Variants in CEMIP observed in about 807,000 individuals in gnomAD.
CEMIP encodes the protein cell migration inducing hyaluronidase 1, also known as cell migration-inducing and hyaluronan-binding protein.
CEMIP carries 105 observed loss-of-function variants against 156.9 expected under a neutral mutation model. The ratio of observed to expected loss-of-function variants is 0.67; its 90% CI spans 0.57 to 0.79. The LOEUF is 0.79. Ranked by LOEUF, CEMIP falls within the 30% of genes least tolerant of loss-of-function variation. The pLI is 0.00. For missense variants in CEMIP, 1,457 were observed against 1,769.4 expected, an observed-to-expected ratio of 0.82 and a Z score of 3.17; for synonymous variants, 676 against 668.4, an observed-to-expected ratio of 1.01 and a Z score of -0.17.
chr15:80,915,929 A>G (rs527602774), intron 14 of CEMIP, among the ~76,000 whole-genome samples: 2 of 152,356 alleles, frequency 1.3e-5, no homozygotes, highest in African/African-American at 4.8e-5. Flanking sequence ...TTAAAAAGTA[A>G]TGGCAGAAGA....
rs74483597 is a variant in CEMIP, at chr15:80,829,687, A to G, written c.-175-43851A>G. 7.5e-3 allele frequency among the ~76,000 whole-genome samples: 1,147 copies of G among 152,336 alleles called. 17 individuals carry two copies. The highest frequency in any genetic ancestry group is 0.026 in the African/African-American group (1,067 of 41,570). ...ACTGGGATGTTATGAGGAGTTTCTT[A>G]GAACAGAGATTTGCTGCACAGGCTC... On this transcript the variant is annotated intron_variant, in intron 1 of 29. Transcript: ENST00000394685.
intron 1 of CEMIP, among the ~76,000 whole-genome samples, chr15:80,851,124 TAGCCCTCATGGG>T (rs1243199223): frequency 2.0e-5 from 3 of 151,398 alleles, no homozygotes; most frequent in African/African-American, 7.3e-5. Flanking sequence ...AGGGTGGTGC[TAGCCCTCATGGG>T]AGTCCCTGGA....
chr15:80,843,361 G>A lies in CEMIP; in HGVS notation c.-175-30177G>A, dbSNP rs548353355. ...GAAGACCTACTATGAAGCTGGCACCGTTTAGATGCTTTGAATATATCAGTC... is the reference window on the plus strand; with the variant it reads ...GAAGACCTACTATGAAGCTGGCACCATTTAGATGCTTTGAATATATCAGTC... On this transcript the variant is annotated intron_variant, in intron 1 of 29. Coordinates refer to ENST00000394685, the MANE Select transcript of CEMIP (RefSeq NM_001293298.2). 3.3e-4 allele frequency among the ~76,000 whole-genome samples: 51 copies of A among 152,316 alleles called. No homozygotes were observed. The South Asian group carries it at 7.9e-3, about 24-fold the overall frequency.
intron 1 of CEMIP, among the ~76,000 whole-genome samples, chr15:80,862,866 A>G (rs1898021777): frequency 6.6e-6 from 1 of 152,204 alleles, no homozygotes. Flanking sequence ...GTCCTATGGG[A>G]ATAAGTGAAT....
chr15:80,905,437 A>G (rs1371295758), intron 12 of CEMIP, among the ~76,000 whole-genome samples: 6 of 150,780 alleles, frequency 4.0e-5, no homozygotes, highest in African/African-American at 1.5e-4. Context: ...ATTTGCGGCT[A>G]TAAATCAAAG....
chr15:80,795,385 GGA>G (rs1896195516), intron 1 of CEMIP, among the ~76,000 whole-genome samples: 2 of 152,052 alleles, frequency 1.3e-5, no homozygotes, highest in Non-Finnish European at 2.9e-5. Context: ...ATGGTGGGTT[GGA>G]GTGGAGGCAG....
intron 1 of CEMIP, among the ~76,000 whole-genome samples, chr15:80,855,171 G>C (rs1220312791): frequency 1.1e-4 from 16 of 152,182 alleles, no homozygotes; most frequent in Non-Finnish European, 2.9e-5. Context: ...CTTTGAGACA[G>C]AGTGAGACAC....
intron 1 of CEMIP, among the ~76,000 whole-genome samples, chr15:80,797,216 A>C (rs1315575161): frequency 1.3e-5 from 2 of 152,236 alleles, no homozygotes; most frequent in Non-Finnish European, 2.9e-5. Context: ...GTGATTGCAG[A>C]TCATTATAGA....
chr15:80,850,465 GATAGGGTTTC>G (rs1897688458), intron 1 of CEMIP, among the ~76,000 whole-genome samples: 2 of 152,102 alleles, frequency 1.3e-5, no homozygotes, highest in African/African-American at 4.8e-5. Flanking sequence ...TTTTAGTAGC[GATAGGGTTTC>G]ACCATGTTGG....
At chr15:80,826,281 T>A (rs1460652654) in intron 1 of CEMIP, among the ~76,000 whole-genome samples, 1 of 152,244 alleles carries the variant, frequency 6.6e-6, no homozygotes, top group Non-Finnish European at 1.5e-5. Context: ...CTGTTTGGGT[T>A]TATTCTGCAT....
chr15:80,825,075 G>A (rs894473800), intron 1 of CEMIP, among the ~76,000 whole-genome samples: 4 of 152,178 alleles, frequency 2.6e-5, no homozygotes, highest in African/African-American at 9.7e-5. Context: ...AAAGAGGGAG[G>A]AAGGAGGTGT....
chr15:80,806,017 A>T, intron 1 of CEMIP, among the ~76,000 whole-genome samples: 1 of 152,234 alleles, frequency 6.6e-6, no homozygotes, highest in East Asian at 1.9e-4. Flanking sequence ...ATTGCTGGTT[A>T]ATGGAATATT....
chr15:80,848,549 C>A (rs1897620134), intron 1 of CEMIP, among the ~76,000 whole-genome samples: 2 of 152,180 alleles, frequency 1.3e-5, no homozygotes, highest in Non-Finnish European at 2.9e-5. Context: ...AGGGAGAGGG[C>A]TGAAGTTCAG....
chr15:80,888,545 G>A (rs1898927471), intron 8 of CEMIP, among the ~76,000 whole-genome samples, 156 bp from the exon 9 acceptor site: 1 of 152,164 alleles, frequency 6.6e-6, no homozygotes, highest in Admixed American at 6.5e-5. Flanking sequence ...CTTCCCAAGT[G>A]AATGAATGTC....
rs745937898 is a variant in CEMIP, at chr15:80,884,295, C to A, written c.738C>A (p.Asp246Glu). ...VNDEGSRNLD[D>E]MARKAMTKLG... ...ATGAAGGTTCTCGAAATCTGGATGACATGGCCAGGAAGGCGATGACCAAAT... is the reference window on the plus strand; with the variant it reads ...ATGAAGGTTCTCGAAATCTGGATGAAATGGCCAGGAAGGCGATGACCAAAT... Residue 246 changes from aspartate (D) to glutamate (E), a missense_variant, in exon 7 of 30, where the codon GAC (aspartate) becomes GAA (glutamate). This residue lies in a region of CEMIP where 309 missense variants were observed against 340.8 expected (regional missense o/e 0.91). Coordinates refer to ENST00000394685, the MANE Select transcript of CEMIP (RefSeq NM_001293298.2). 3.7e-6 allele frequency: 6 copies of A among 1,614,130 alleles called. No homozygotes were observed. The highest frequency in any genetic ancestry group is 5.1e-6 in the Non-Finnish European group (6 of 1,180,048).
At chr15:80,848,318 G>A (rs1000313059) in intron 1 of CEMIP, among the ~76,000 whole-genome samples, 27 of 152,262 alleles carry the variant, frequency 1.8e-4, no homozygotes, top group East Asian at 1.7e-3. Context: ...TCTGGGAAAC[G>A]GACTGATGAG....
chr15:80,820,357 A>G (rs934323807), intron 1 of CEMIP, among the ~76,000 whole-genome samples: 4 of 152,198 alleles, frequency 2.6e-5, no homozygotes, highest in Non-Finnish European at 5.9e-5. Context: ...TGGCCTGCAT[A>G]AATTTCTGAG....
At chr15:80,798,546 T>C (rs560109524) in intron 1 of CEMIP, among the ~76,000 whole-genome samples, 1 of 152,320 alleles carries the variant, frequency 6.6e-6, no homozygotes, top group East Asian at 1.9e-4. Flanking sequence ...TACTATAACT[T>C]AAAAAATCAT....
chr15:80,833,949 C>A (rs149295873), intron 1 of CEMIP, among the ~76,000 whole-genome samples: 1 of 152,186 alleles, frequency 6.6e-6, no homozygotes, highest in Non-Finnish European at 1.5e-5. Flanking sequence ...GGATTACAGA[C>A]GTGAGTCACT....
Sources: gnomAD v4.1 joint callset for allele counts (sites outside exome capture counted in the v4.1 genomes callset) on GRCh38, gnomAD v4.1.1 for gene constraint, gnomAD v4.1.1 regional missense constraint, MANE v1.5 for transcripts, NCBI Gene and HGNC (gene_info 2026-07-23, HGNC 2026-07-21) for gene names.